The following ULK4 variants were observed in gnomAD, a reference collection of about 807,000 sequenced individuals.
The protein encoded by ULK4 is unc-51 like kinase 4.
In ULK4, 133 loss-of-function variants were observed where a neutral mutation model predicts 160.6. That is an observed-to-expected ratio of 0.83 (90% CI 0.72 to 0.96). The LOEUF is 0.96. Among genes scored for constraint, ULK4 ranks in the 40% least tolerant of loss-of-function variants. The pLI, the probability that ULK4 is intolerant of heterozygous loss-of-function variation, is 0.00. For missense variants in ULK4, 1,580 were observed against 1,499.5 expected (o/e 1.05, Z -0.89); for synonymous variants, 534 against 539.8 (o/e 0.99, Z 0.15).
chr3:41,499,130 A>G (rs1387216015), intron 32 of ULK4, among the ~76,000 whole-genome samples: 1 of 152,232 alleles, frequency 6.6e-6, no homozygotes, highest in Non-Finnish European at 1.5e-5. Flanking sequence ...ACAAATCTAT[A>G]CAGAAGAAAC....
intron 30 of ULK4, among the ~76,000 whole-genome samples, chr3:41,652,116 T>C (rs1275384182): frequency 6.6e-6 from 1 of 152,108 alleles, no homozygotes; most frequent in Non-Finnish European, 1.5e-5. Flanking sequence ...TCATAAGATA[T>C]GGATAGGCAA....
At chr3:41,325,513 TG>T (rs2080323455) in intron 35 of ULK4, among the ~76,000 whole-genome samples, 1 of 152,232 alleles carries the variant, frequency 6.6e-6, no homozygotes, top group African/African-American at 2.4e-5. Context: ...TATACGTTAT[TG>T]TTTTGGTGAA....
At chr3:41,336,530 C>T (rs1334702406) in intron 35 of ULK4, among the ~76,000 whole-genome samples, 1 of 152,210 alleles carries the variant, frequency 6.6e-6, no homozygotes, top group Non-Finnish European at 1.5e-5. Flanking sequence ...CAACACATGC[C>T]TTATGGCGTA....
intron 35 of ULK4, among the ~76,000 whole-genome samples, chr3:41,357,948 AAG>A (rs1181610644): frequency 2.0e-5 from 3 of 152,252 alleles, no homozygotes; most frequent in African/African-American, 7.2e-5. Flanking sequence ...CATGTATAAA[AAG>A]AGAAAACTAT....
At chr3:41,394,622 T>A (rs919321882) in intron 35 of ULK4, among the ~76,000 whole-genome samples, 2 of 152,146 alleles carry the variant, frequency 1.3e-5, no homozygotes, top group Non-Finnish European at 2.9e-5. Context: ...TGAAATATAC[T>A]TTCTGCTAAA....
intron 21 of ULK4, among the ~76,000 whole-genome samples, chr3:41,787,375 A>G (rs6769074): frequency 6.6e-6 from 1 of 152,150 alleles, no homozygotes; most frequent in Non-Finnish European, 1.5e-5. Context: ...CCGGGGTAGC[A>G]TCAGAGGAGT....
At chr3:41,937,469 T>A (rs1487333184) in intron 3 of ULK4, 1 of 567,396 alleles carries the variant, frequency 1.8e-6, no homozygotes, top group Non-Finnish European at 3.1e-6. Flanking sequence ...TATTCAATTA[T>A]CCTTTATTGT....
chr3:41,951,359 A>T (rs2148841736), intron 2 of ULK4, among the ~76,000 whole-genome samples: 1 of 151,824 alleles, frequency 6.6e-6, no homozygotes, highest in East Asian at 1.9e-4. Flanking sequence ...ATTCATATAG[A>T]ATCTCAAGGT....
At chr3:41,812,765 A>G (rs1274413538) in intron 19 of ULK4, among the ~76,000 whole-genome samples, 2 of 152,230 alleles carry the variant, frequency 1.3e-5, no homozygotes, top group Non-Finnish European at 2.9e-5. Context: ...TGTGCCCATT[A>G]GCAAAGATAA....
intron 35 of ULK4, among the ~76,000 whole-genome samples, chr3:41,315,075 A>AT (rs2080121716): frequency 6.6e-6 from 1 of 152,180 alleles, no homozygotes; most frequent in South Asian, 2.1e-4. Context: ...TTTTAAATGT[A>AT]TTTTCTAAAA....
At chr3:41,557,301 G>A (rs1000976258) in intron 32 of ULK4, among the ~76,000 whole-genome samples, 4 of 150,964 alleles carry the variant, frequency 2.6e-5, no homozygotes, top group African/African-American at 4.8e-5. Context: ...ATAGACCAGA[G>A]GGGAAAAGTA....
In ULK4 at chr3:41,408,662, T is replaced by C. The variant is rs527512232; in HGVS notation, c.3493-10398A>G. ...GAACCAAGAATAGCCAAAACAACATTACAAAGGAAGAGCATGGTTGGAGGA... is the reference window on the plus strand; with the variant it reads ...GAACCAAGAATAGCCAAAACAACATCACAAAGGAAGAGCATGGTTGGAGGA... On this transcript the variant is annotated intron_variant, in intron 34 of 36. Transcript: ENST00000301831. Among the ~76,000 whole-genome samples, 5 of 152,188 alleles carry C rather than the reference T, an allele frequency of 3.3e-5. No homozygotes were observed. In the South Asian group the frequency reaches 1.0e-3, roughly 32 times the overall value.
chr3:41,559,154 A>G (rs1266115883), intron 32 of ULK4, among the ~76,000 whole-genome samples: 4 of 148,708 alleles, frequency 2.7e-5, no homozygotes, highest in African/African-American at 7.4e-5. Flanking sequence ...GCGATAGTTT[A>G]CTGAGAATGA....
At chr3:41,820,214 C>T (rs1156983112) in intron 18 of ULK4, among the ~76,000 whole-genome samples, 1 of 152,098 alleles carries the variant, frequency 6.6e-6, no homozygotes, top group Admixed American at 6.6e-5. Flanking sequence ...AGAATTAGTA[C>T]ATTATTAATT....
chr3:41,786,845 A>G (rs1384002624), intron 21 of ULK4, among the ~76,000 whole-genome samples: 9 of 152,274 alleles, frequency 5.9e-5, no homozygotes, highest in Admixed American at 5.2e-4. Context: ...AGATACATGG[A>G]AAGAAGGCAG....
At chr3:41,333,799 T>A (rs1330906793) in intron 35 of ULK4, among the ~76,000 whole-genome samples, 1 of 152,020 alleles carries the variant, frequency 6.6e-6, no homozygotes, top group Admixed American at 6.6e-5. Context: ...GCGGGGAACA[T>A]TAAGAATTCA....
At chr3:41,299,564 CTTGTT>C (rs1291098658) in intron 35 of ULK4, among the ~76,000 whole-genome samples, 2 of 152,164 alleles carry the variant, frequency 1.3e-5, no homozygotes, top group African/African-American at 4.8e-5. Flanking sequence ...GTACGTGGCT[CTTGTT>C]TTAAGTCAGT....
At chr3:41,768,290 A>T (rs1012847023) in intron 21 of ULK4, among the ~76,000 whole-genome samples, 1 of 152,190 alleles carries the variant, frequency 6.6e-6, no homozygotes, top group Non-Finnish European at 1.5e-5. Flanking sequence ...ACATCTAATA[A>T]CAAGAGATTT....
At chr3:41,618,587 C>G (rs2033090550) in intron 30 of ULK4, among the ~76,000 whole-genome samples, 1 of 152,110 alleles carries the variant, frequency 6.6e-6, no homozygotes, top group South Asian at 2.1e-4. Context: ...GGGATTTTGT[C>G]ACTACCAGGC....
Sources: gnomAD v4.1 joint callset for allele counts (sites outside exome capture counted in the v4.1 genomes callset) on GRCh38, gnomAD v4.1.1 for gene constraint, MANE v1.5 for transcripts, NCBI Gene and HGNC (gene_info 2026-07-23, HGNC 2026-07-21) for gene names.